Variants in LRRC4C observed in about 807,000 individuals in gnomAD.
LRRC4C encodes leucine-rich repeat-containing protein 4C.
Under a neutral mutation model 33.6 loss-of-function variants are expected in LRRC4C, and 5 were observed. That is an observed-to-expected ratio of 0.15 (90% CI 0.08 to 0.31). The LOEUF is 0.31. LRRC4C is among the 10% of genes least tolerant of loss of function. LRRC4C has a pLI of 1.00. For missense variants in LRRC4C, 560 were observed against 796.7 expected (o/e 0.70, Z 3.58); for synonymous variants, 329 against 302.0 (o/e 1.09, Z -0.93).
rs1375248779 is a variant in LRRC4C, at chr11:40,990,228, G to GTT, written c.-495-56507_-495-56506dup. Among the ~76,000 whole-genome samples the GTT allele has an allele frequency of 7.5e-4, 51 of 68,218 alleles. No homozygotes were observed. In the East Asian group the frequency reaches 0.021, roughly 28 times the overall value. 44.8% of individuals were successfully genotyped at this position (68,218 alleles called of 152,430 possible). A position where few individuals can be genotyped will look rare whatever the true frequency, so the allele number is the denominator to read the frequency against. On this transcript the variant is annotated intron_variant, in intron 1 of 6. Coordinates refer to ENST00000528697, the MANE Select transcript of LRRC4C (RefSeq NM_001258419.2). ...TCAAAATATTTGAATAGTATGTCAAGTTTTATATATATATATATATATATA... is the reference window on the plus strand; with the variant it reads ...TCAAAATATTTGAATAGTATGTCAAGTTTTTTATATATATATATATATATATA...
At chr11:41,038,504 T>C (rs146848423) in intron 1 of LRRC4C, among the ~76,000 whole-genome samples, 1 of 152,290 alleles carries the variant, frequency 6.6e-6, no homozygotes, top group East Asian at 1.9e-4. Flanking sequence ...CCAGTTCTAA[T>C]TTCAGCTTAA....
chr11:41,316,206 A>G (rs1950780989), intron 1 of LRRC4C, among the ~76,000 whole-genome samples: 1 of 139,622 alleles, frequency 7.2e-6, no homozygotes, highest in Non-Finnish European at 1.5e-5. Context: ...GGGGGTGACT[A>G]TGGGTAACAG....
At chr11:41,231,829 G>GTA (rs1030621835) in intron 1 of LRRC4C, among the ~76,000 whole-genome samples, 20 of 151,480 alleles carry the variant, frequency 1.3e-4, no homozygotes, top group Non-Finnish European at 2.1e-4. Context: ...ACACATATAT[G>GTA]TATATATATA....
At chr11:41,103,588 G>T (rs534655400) in intron 1 of LRRC4C, among the ~76,000 whole-genome samples, 8 of 151,864 alleles carry the variant, frequency 5.3e-5, no homozygotes, top group Non-Finnish European at 1.2e-4. Flanking sequence ...GAGGTTTATA[G>T]TCTGGGAAAG....
Position 41,214,575 on chromosome 11 carries a change from C to CAA in LRRC4C, c.-496+244854_-496+244855dup, listed in dbSNP as rs547167050. On this transcript the variant is annotated intron_variant, in intron 1 of 6. Transcript: ENST00000528697. ...TGAAACCCCGTCTCTACTAAAAATACAAAAAAAAAAAAAAAAAAAAAAAAA... is the reference window on the plus strand; with the variant it reads ...TGAAACCCCGTCTCTACTAAAAATACAAAAAAAAAAAAAAAAAAAAAAAAAAA... Among the ~76,000 whole-genome samples, 343 of 34,744 alleles carry CAA rather than the reference C, an allele frequency of 9.9e-3. 15 individuals are homozygous for CAA. The highest frequency in any genetic ancestry group is 0.027 in the African/African-American group (228 of 8,418). The allele number at this position is 34,744 out of a possible 152,430, so 22.8% of individuals were successfully genotyped here. A position where few individuals can be genotyped will look rare whatever the true frequency, so the allele number is the denominator to read the frequency against.
chr11:40,825,202 T>C lies in LRRC4C; in HGVS notation c.-407+108433A>G, dbSNP rs558888544. Among the ~76,000 whole-genome samples, 12 of 152,160 alleles carry C rather than the reference T, an allele frequency of 7.9e-5. 1 individual carries two copies. The highest frequency in any genetic ancestry group is 2.2e-4 in the African/African-American group (9 of 41,532). On this transcript the variant is annotated intron_variant, in intron 2 of 6. Coordinates refer to ENST00000528697, the MANE Select transcript of LRRC4C (RefSeq NM_001258419.2). ...TCTCCTGGTAGTTCACTGGAGTACC[T>C]ACATTGAATCATCAGTCTTTAGAGT...
At chr11:41,329,200 C>T (rs1591280685) in intron 1 of LRRC4C, among the ~76,000 whole-genome samples, 2 of 152,110 alleles carry the variant, frequency 1.3e-5, no homozygotes, top group Admixed American at 1.3e-4. Flanking sequence ...TTGCTGTTTT[C>T]CCTAACTGGC....
intron 3 of LRRC4C, among the ~76,000 whole-genome samples, chr11:40,618,779 C>G (rs1332461465): frequency 6.6e-6 from 1 of 151,686 alleles, no homozygotes; most frequent in Non-Finnish European, 1.5e-5. Context: ...GGTTGTAAGT[C>G]CATCCCACTT....
At chr11:40,251,488 A>G (rs1866781025) in intron 4 of LRRC4C, among the ~76,000 whole-genome samples, 1 of 152,158 alleles carries the variant, frequency 6.6e-6, no homozygotes, top group East Asian at 1.9e-4. Flanking sequence ...CCAAGCCTCC[A>G]CATTTCCTGA....
intron 1 of LRRC4C, among the ~76,000 whole-genome samples, chr11:41,251,685 G>C (rs1003216313): frequency 6.6e-6 from 1 of 152,150 alleles, no homozygotes; most frequent in African/African-American, 2.4e-5. Flanking sequence ...TGACAAAAAT[G>C]AGTATTAATT....
intron 3 of LRRC4C, among the ~76,000 whole-genome samples, chr11:40,527,212 C>T (rs566144813): frequency 6.1e-4 from 93 of 152,220 alleles, no homozygotes; most frequent in African/African-American, 2.1e-3. Flanking sequence ...AAAGAGTATA[C>T]TAACTTCATA....
intron 1 of LRRC4C, among the ~76,000 whole-genome samples, chr11:41,289,840 G>C (rs1949941048): frequency 6.6e-6 from 1 of 152,186 alleles, no homozygotes; most frequent in South Asian, 2.1e-4. Flanking sequence ...AGTCAAGACA[G>C]GCAAATGCAT....
At chr11:41,345,700 G>T (rs1278949872) in intron 1 of LRRC4C, among the ~76,000 whole-genome samples, 3 of 152,022 alleles carry the variant, frequency 2.0e-5, no homozygotes, top group Non-Finnish European at 4.4e-5. Context: ...CATGACCTAG[G>T]AGTTCCCATC....
At chr11:40,399,882 C>T (rs1281341520) in intron 3 of LRRC4C, among the ~76,000 whole-genome samples, 1 of 151,822 alleles carries the variant, frequency 6.6e-6, no homozygotes, top group Non-Finnish European at 1.5e-5. Context: ...GAAAACGCTC[C>T]GAAGACATAT....
intron 3 of LRRC4C, among the ~76,000 whole-genome samples, chr11:40,458,770 T>C (rs949621043): frequency 3.3e-5 from 5 of 152,210 alleles, no homozygotes; most frequent in Non-Finnish European, 7.3e-5. Flanking sequence ...TCATAGGATG[T>C]CAACCCCTCT....
At chr11:41,448,766 G>A (rs965929535) in intron 1 of LRRC4C, among the ~76,000 whole-genome samples, 1 of 152,052 alleles carries the variant, frequency 6.6e-6, no homozygotes, top group African/African-American at 2.4e-5. Context: ...CCTGACATTT[G>A]CTATATAATT....
intron 3 of LRRC4C, among the ~76,000 whole-genome samples, chr11:40,499,645 A>T (rs372458131): frequency 7.2e-5 from 11 of 152,354 alleles, no homozygotes; most frequent in African/African-American, 2.4e-4. Flanking sequence ...GATGTTGATG[A>T]TGGTGAAAAT....
At chr11:40,449,419 C>G (rs887710856) in intron 3 of LRRC4C, among the ~76,000 whole-genome samples, 1 of 151,904 alleles carries the variant, frequency 6.6e-6, no homozygotes, top group African/African-American at 2.4e-5. Flanking sequence ...AGGCATGTCC[C>G]TTTTAGGGCA....
intron 3 of LRRC4C, among the ~76,000 whole-genome samples, chr11:40,439,629 T>C (rs1436860565): frequency 2.0e-5 from 3 of 151,884 alleles, no homozygotes; most frequent in Non-Finnish European, 4.4e-5. Flanking sequence ...ACTTTTTGTA[T>C]TTTTAGCAGA....
Sources: allele counts gnomAD v4.1 joint callset (sites outside exome capture counted in the v4.1 genomes callset), GRCh38; gene constraint gnomAD v4.1.1; transcripts MANE v1.5; gene names NCBI Gene and HGNC (gene_info 2026-07-23, HGNC 2026-07-21).